Variants in ZNRF3 observed in about 807,000 individuals in gnomAD.
The protein encoded by ZNRF3 is E3 ubiquitin-protein ligase ZNRF3.
In ZNRF3, 23 loss-of-function variants were observed where a neutral mutation model predicts 72.5. That is an observed-to-expected ratio of 0.32 (90% confidence interval 0.23 to 0.45). The LOEUF is 0.45. Ranked by LOEUF, ZNRF3 falls within the 20% of genes least tolerant of loss-of-function variation. The probability of loss-of-function intolerance (pLI) is 1.00; values close to 1 mark genes in which losing one functional copy is unlikely to be tolerated. For synonymous variants in ZNRF3, 610 were observed against 545.3 expected, an observed-to-expected ratio of 1.12 and a Z score of -1.65; for missense variants, 1,169 against 1,272.1, an observed-to-expected ratio of 0.92 and a Z score of 1.23.
At position 28,937,407 on chromosome 22, in the gene ZNRF3, C is replaced by T. The variant is rs1043014591; in HGVS notation, c.301-49669C>T. On this transcript the variant is annotated intron_variant, in intron 1 of 8. Transcript: ENST00000544604. ...TAGACTGCGCCTGCCTCCTGGTGCA[C>T]GTACTGTGTTTGGGCATGTGTTGGC... Among the ~76,000 whole-genome samples, 4 of 151,606 alleles carry T rather than the reference C, an allele frequency of 2.6e-5. No individual in the cohort carries two copies. The East Asian group carries it at 5.8e-4, about 22-fold the overall frequency.
intron 1 of ZNRF3, among the ~76,000 whole-genome samples, chr22:28,938,809 G>A (rs2034888256): frequency 6.6e-6 from 1 of 152,178 alleles, no homozygotes; most frequent in Non-Finnish European, 1.5e-5. Flanking sequence ...TAAGATGTAA[G>A]ATGGGTTTCG....
At chr22:28,910,207 TTG>T (rs752574871) in intron 1 of ZNRF3, among the ~76,000 whole-genome samples, 2 of 151,914 alleles carry the variant, frequency 1.3e-5, no homozygotes, top group African/African-American at 4.8e-5. Flanking sequence ...GGCTAATTTT[TTG>T]TGTGTGTTTT....
chr22:28,955,046 G>GGT (rs2035232315), intron 1 of ZNRF3, among the ~76,000 whole-genome samples: 4 of 98,260 alleles, frequency 4.1e-5, no homozygotes, highest in African/African-American at 1.4e-4. Context: ...TTTTTTTTTT[G>GGT]TTTTTTTTTT....
At chr22:29,000,474 T>C (rs571289432) in intron 2 of ZNRF3, among the ~76,000 whole-genome samples, 3 of 152,344 alleles carry the variant, frequency 2.0e-5, no homozygotes, top group East Asian at 3.9e-4. Flanking sequence ...TTAGTAAACA[T>C]AGTCATTTTC....
At chr22:28,887,220 A>C (rs1459289300) in intron 1 of ZNRF3, among the ~76,000 whole-genome samples, 1 of 147,966 alleles carries the variant, frequency 6.8e-6, no homozygotes, top group Non-Finnish European at 1.5e-5. Flanking sequence ...TATGCCAACG[A>C]AGAGAGAGAG....
chr22:28,993,304 C>T (rs2040488688), intron 2 of ZNRF3, among the ~76,000 whole-genome samples: 1 of 152,220 alleles, frequency 6.6e-6, no homozygotes. Flanking sequence ...TGTTTGCCAT[C>T]TCTCCTTTCT....
intron 2 of ZNRF3, among the ~76,000 whole-genome samples, chr22:29,005,903 T>C (rs529117721): frequency 6.6e-6 from 1 of 152,136 alleles, no homozygotes; most frequent in East Asian, 1.9e-4. Flanking sequence ...GGCGTGGTGG[T>C]GCATGCCTAT....
At chr22:28,902,872 G>T (rs1291569770) in intron 1 of ZNRF3, among the ~76,000 whole-genome samples, 1 of 152,196 alleles carries the variant, frequency 6.6e-6, no homozygotes, top group African/African-American at 2.4e-5. Context: ...TAACGTTTAT[G>T]TTGCAGTTCC....
At chr22:28,976,246 C>A (rs1411896004) in intron 1 of ZNRF3, among the ~76,000 whole-genome samples, 1 of 152,054 alleles carries the variant, frequency 6.6e-6, no homozygotes, top group Non-Finnish European at 1.5e-5. Flanking sequence ...CAGAGCGGGA[C>A]CCTGTCTCAA....
intron 1 of ZNRF3, among the ~76,000 whole-genome samples, chr22:28,885,459 A>G (rs1403998097): frequency 6.6e-6 from 1 of 152,196 alleles, no homozygotes; most frequent in African/African-American, 2.4e-5. Context: ...TATGATCTTT[A>G]TAAGTTTTAG....
chr22:28,959,040 C>T (rs1357932917), intron 1 of ZNRF3, among the ~76,000 whole-genome samples: 3 of 152,220 alleles, frequency 2.0e-5, no homozygotes, highest in Admixed American at 1.3e-4. Flanking sequence ...ATACTCTCAT[C>T]CTTCTCAAGG....
At chr22:28,886,644 T>C (rs906527579) in intron 1 of ZNRF3, among the ~76,000 whole-genome samples, 5 of 152,192 alleles carry the variant, frequency 3.3e-5, no homozygotes, top group African/African-American at 1.2e-4. Flanking sequence ...TTTTCAAAAC[T>C]TCCTTTTATT....
chr22:28,883,942 C>T lies in ZNRF3; in HGVS notation c.176C>T (p.Ala59Val). Residue 59 changes from alanine (A) to valine (V), a missense_variant, in exon 1 of 9, where the codon GCG (alanine) becomes GTG (valine). Physicochemically the swap from Ala to Val is moderately conservative, Grantham distance 64. Transcript: ENST00000544604. The surrounding 1 kb of genome is among the most constrained non-coding windows in gnomAD (Gnocchi z 5.5). ...GGCGCGGCGCGGGCCAAGGAGACGG[C>T]GTTCGTGGAGGTGGTGCTGTTCGAG... ...GPGAARAKETAFVEVVLFESS... is the reference protein window; with the variant it reads ...GPGAARAKETVFVEVVLFESS... 1 of 1,263,498 alleles carries T rather than the reference C, an allele frequency of 7.9e-7. No homozygotes were observed. The highest frequency in any genetic ancestry group is 1.0e-6 in the Non-Finnish European group (1 of 983,642). The allele number at this position is 1,263,498 out of a possible 1,614,324, so 78.3% of individuals were successfully genotyped here.
At chr22:29,011,736 C>T (rs1460712504) in intron 2 of ZNRF3, among the ~76,000 whole-genome samples, 2 of 152,186 alleles carry the variant, frequency 1.3e-5, no homozygotes, top group Non-Finnish European at 2.9e-5. Flanking sequence ...TGCTGGGAGA[C>T]GTTTTCCAAG....
intron 1 of ZNRF3, among the ~76,000 whole-genome samples, chr22:28,894,630 C>T (rs917555334): frequency 9.9e-5 from 15 of 152,136 alleles, no homozygotes; most frequent in Non-Finnish European, 2.1e-4. Flanking sequence ...CTTCCTCTTT[C>T]CTGTCGAGCA....
intron 1 of ZNRF3, among the ~76,000 whole-genome samples, chr22:28,957,691 G>A (rs1049749376): frequency 5.9e-5 from 9 of 151,514 alleles, no homozygotes; most frequent in Non-Finnish European, 1.3e-4. Context: ...CGCTCGCCTC[G>A]GCCTCCCAAA....
intron 1 of ZNRF3, among the ~76,000 whole-genome samples, chr22:28,940,617 G>C (rs973559034): frequency 6.0e-5 from 9 of 150,946 alleles, no homozygotes; most frequent in African/African-American, 2.2e-4. Context: ...AGAGGCTCTT[G>C]CCCTCCCCTT....
At chr22:28,897,857 A>T (rs374811396) in intron 1 of ZNRF3, among the ~76,000 whole-genome samples, 2 of 152,164 alleles carry the variant, frequency 1.3e-5, no homozygotes, top group South Asian at 2.1e-4. Context: ...CCGAACCGGA[A>T]TTCTCCTAGA....
At chr22:28,982,772 C>T (rs1388863347) in intron 1 of ZNRF3, among the ~76,000 whole-genome samples, 1 of 152,174 alleles carries the variant, frequency 6.6e-6, no homozygotes, top group Non-Finnish European at 1.5e-5. Flanking sequence ...AAAAACATCT[C>T]CTGAGCTCGT....
Sources: gnomAD v4.1 joint callset for allele counts (sites outside exome capture counted in the v4.1 genomes callset) on GRCh38, gnomAD v4.1.1 for gene constraint, Gnocchi (gnomAD v3.1) non-coding constraint, MANE v1.5 for transcripts, NCBI Gene and HGNC (gene_info 2026-07-23, HGNC 2026-07-21) for gene names.